SEMA6D: variants seen among roughly 807,000 people sequenced by gnomAD.
The protein encoded by SEMA6D is semaphorin 6D, also known as semaphorin-6D.
SEMA6D carries 35 observed loss-of-function variants against 106.6 expected under a neutral mutation model. The ratio of observed to expected loss-of-function variants is 0.33; its 90% CI spans 0.25 to 0.44. The LOEUF is 0.44. SEMA6D is among the 20% of genes least tolerant of loss of function. The pLI, the probability that SEMA6D is intolerant of heterozygous loss-of-function variation, is 1.00. For synonymous variants in SEMA6D, 499 were observed against 487.7 expected (o/e 1.02, Z -0.31); for missense variants, 1,185 against 1,345.9 (o/e 0.88, Z 1.87).
At chr15:47,285,810 C>T (rs2035335686) in intron 1 of SEMA6D, among the ~76,000 whole-genome samples, 1 of 152,208 alleles carries the variant, frequency 6.6e-6, no homozygotes, top group Non-Finnish European at 1.5e-5. Flanking sequence ...CCACCCTTTT[C>T]TCTAGTCTCA....
At chr15:47,425,870 A>G (rs2041320525) in intron 2 of SEMA6D, among the ~76,000 whole-genome samples, 2 of 151,974 alleles carry the variant, frequency 1.3e-5, no homozygotes, top group Non-Finnish European at 2.9e-5. Context: ...ATTCTCTTCC[A>G]TTTATGATCT....
intron 1 of SEMA6D, among the ~76,000 whole-genome samples, chr15:47,719,164 T>G (rs955119020): frequency 2.0e-5 from 3 of 146,368 alleles, no homozygotes; most frequent in South Asian, 2.2e-4. Context: ...GGGGTGGGGG[T>G]GTGGAGGGGG....
chr15:47,345,774 A>G (rs590898), intron 1 of SEMA6D, among the ~76,000 whole-genome samples: 70,980 of 152,002 alleles, frequency 0.47, 19,700 homozygotes, highest in South Asian at 0.61. Flanking sequence ...TCACAAACAT[A>G]TCTAAGGAAA....
chr15:47,650,751 G>A (rs1001590271), intron 4 of SEMA6D, among the ~76,000 whole-genome samples: 2 of 152,284 alleles, frequency 1.3e-5, no homozygotes, highest in South Asian at 4.1e-4. Context: ...GTGCCACACT[G>A]ACCTGGGGCA....
intron 2 of SEMA6D, among the ~76,000 whole-genome samples, chr15:47,440,327 C>A (rs936925894): frequency 2.2e-5 from 3 of 137,432 alleles, no homozygotes; most frequent in African/African-American, 8.4e-5. Context: ...TGACAGTGGG[C>A]ATTGCAGCAA....
intron 1 of SEMA6D, among the ~76,000 whole-genome samples, chr15:47,189,427 C>T (rs778372143): frequency 7.2e-5 from 11 of 152,032 alleles, no homozygotes; most frequent in Admixed American, 1.3e-4. Flanking sequence ...TAGAAGGGAC[C>T]ACCCACAAAA....
chr15:47,243,710 T>C (rs895497747), intron 1 of SEMA6D, among the ~76,000 whole-genome samples: 1 of 139,976 alleles, frequency 7.1e-6, no homozygotes, highest in East Asian at 2.2e-4. Context: ...AGATCTCTGG[T>C]GTGTGAGTTT....
At chr15:47,395,135 G>A (rs1406358594) in intron 1 of SEMA6D, among the ~76,000 whole-genome samples, 1 of 152,092 alleles carries the variant, frequency 6.6e-6, no homozygotes, top group Non-Finnish European at 1.5e-5. Flanking sequence ...ATTTTGAAAT[G>A]CAGAAAACTA....
chr15:47,732,138 G>A (rs1366958474), intron 1 of SEMA6D, among the ~76,000 whole-genome samples: 1 of 152,184 alleles, frequency 6.6e-6, no homozygotes, highest in East Asian at 1.9e-4. Flanking sequence ...GTCATGTTGG[G>A]TTTTCCATTG....
intron 1 of SEMA6D, among the ~76,000 whole-genome samples, chr15:47,343,973 A>G (rs1355023049): frequency 6.6e-6 from 1 of 152,224 alleles, no homozygotes; most frequent in Non-Finnish European, 1.5e-5. Context: ...TGAAAAACAC[A>G]TGAAAAAATG....
At chr15:47,736,580 G>C (rs1363098062) in intron 1 of SEMA6D, among the ~76,000 whole-genome samples, 1 of 152,144 alleles carries the variant, frequency 6.6e-6, no homozygotes, top group African/African-American at 2.4e-5. Context: ...TGGTGATGTA[G>C]GGTGATTACT....
chr15:47,496,325 T>C (rs2043656738), intron 3 of SEMA6D, among the ~76,000 whole-genome samples: 1 of 152,078 alleles, frequency 6.6e-6, no homozygotes, highest in Admixed American at 6.6e-5. Context: ...ATGGAGGACG[T>C]ATTTTCTGAA....
intron 3 of SEMA6D, among the ~76,000 whole-genome samples, chr15:47,490,763 A>G: frequency 6.6e-6 from 1 of 152,248 alleles, no homozygotes; most frequent in South Asian, 2.1e-4. Context: ...CAAATAAGGA[A>G]CACACAAATG....
At chr15:47,288,203 G>A (rs1036373902) in intron 1 of SEMA6D, among the ~76,000 whole-genome samples, 2 of 152,144 alleles carry the variant, frequency 1.3e-5, no homozygotes, top group African/African-American at 4.8e-5. Context: ...CAAGTCTCAT[G>A]TCTGTCCATT....
At chr15:47,269,530 T>C (rs574343939) in intron 1 of SEMA6D, among the ~76,000 whole-genome samples, 19 of 152,248 alleles carry the variant, frequency 1.2e-4, no homozygotes, top group African/African-American at 4.3e-4. Context: ...TTCAAGAGGC[T>C]ATTTTTACTT....
intron 4 of SEMA6D, among the ~76,000 whole-genome samples, chr15:47,620,715 C>T (rs78149360): frequency 4.4e-4 from 66 of 148,746 alleles, no homozygotes; most frequent in Non-Finnish European, 7.0e-4. Flanking sequence ...TATATACACA[C>T]ATATATATAT....
At chr15:47,184,573 C>T (rs1404290646) in intron 1 of SEMA6D, among the ~76,000 whole-genome samples, 5 of 152,182 alleles carry the variant, frequency 3.3e-5, no homozygotes, top group African/African-American at 1.2e-4. Flanking sequence ...CCGCGGCCGG[C>T]GCAGAGACCC....
chr15:47,752,917 G>A (rs1052884427), intron 1 of SEMA6D, among the ~76,000 whole-genome samples: 5 of 152,128 alleles, frequency 3.3e-5, no homozygotes, highest in Non-Finnish European at 5.9e-5. Flanking sequence ...GCTGAGGCAG[G>A]AGAATTGCTT....
chr15:47,449,049 C>T (rs1044595780), intron 2 of SEMA6D, among the ~76,000 whole-genome samples: 6 of 152,052 alleles, frequency 3.9e-5, no homozygotes, highest in African/African-American at 7.2e-5. Context: ...CACCCTCCTA[C>T]GCACGTTCTG....
Sources: gnomAD v4.1 joint callset for allele counts (sites outside exome capture counted in the v4.1 genomes callset) on GRCh38, gnomAD v4.1.1 for gene constraint, MANE v1.5 for transcripts, NCBI Gene and HGNC (gene_info 2026-07-23, HGNC 2026-07-21) for gene names.